CSMD1: variants seen among roughly 807,000 people sequenced by gnomAD.
CSMD1 encodes CUB and Sushi multiple domains 1.
A neutral mutation model predicts 417.5 loss-of-function variants in CSMD1; 213 were observed. The observed-to-expected ratio is 0.51, with a 90% confidence interval of 0.46 to 0.57. CSMD1 has a LOEUF of 0.57. Ranked by LOEUF, CSMD1 falls within the 20% of genes least tolerant of loss-of-function variation. The probability of loss-of-function intolerance (pLI) is 0.00; values close to 1 mark genes in which losing one functional copy is unlikely to be tolerated. For missense variants in CSMD1, 6,923 were observed against 4,529.7 expected, an observed-to-expected ratio of 1.53 and a Z score of -15.17; for synonymous variants, 2,862 against 1,736.8, an observed-to-expected ratio of 1.65 and a Z score of -16.11.
chr8:3,592,883 G>A (rs532481913), intron 8 of CSMD1, among the ~76,000 whole-genome samples: 1 of 152,004 alleles, frequency 6.6e-6, no homozygotes, highest in Non-Finnish European at 1.5e-5. Context: ...CCCACTTCCT[G>A]CTTCTCCACT....
chr8:4,287,768 G>A (rs1356245904), intron 3 of CSMD1, among the ~76,000 whole-genome samples: 1 of 151,650 alleles, frequency 6.6e-6, no homozygotes, highest in East Asian at 1.9e-4. Flanking sequence ...GGACCCGGTC[G>A]GTTGAGCGAG....
intron 43 of CSMD1, among the ~76,000 whole-genome samples, 178 bp from the exon 44 acceptor site, chr8:3,108,926 G>T (rs1220435450): frequency 6.6e-6 from 1 of 152,214 alleles, no homozygotes; most frequent in African/African-American, 2.4e-5. Context: ...GAACCCTCCA[G>T]TCTCTGTCTT....
intron 3 of CSMD1, among the ~76,000 whole-genome samples, chr8:4,418,336 T>C (rs1179772673): frequency 1.3e-5 from 2 of 152,140 alleles, no homozygotes; most frequent in African/African-American, 2.4e-5. Context: ...TTTTCCAACA[T>C]AGACAATCTT....
At chr8:3,754,291 TAA>T (rs2129053929) in intron 5 of CSMD1, among the ~76,000 whole-genome samples, 1 of 152,306 alleles carries the variant, frequency 6.6e-6, no homozygotes. Context: ...TCTCCTTTAT[TAA>T]TGGTGAATGC....
intron 7 of CSMD1, among the ~76,000 whole-genome samples, chr8:3,663,244 C>T (rs1258678401): frequency 6.6e-6 from 1 of 152,116 alleles, no homozygotes; most frequent in African/African-American, 2.4e-5. Flanking sequence ...AGAGGCCGTT[C>T]TCCATGAAAG....
intron 1 of CSMD1, among the ~76,000 whole-genome samples, chr8:4,943,869 G>T (rs1347893834): frequency 1.3e-5 from 2 of 152,216 alleles, no homozygotes; most frequent in Non-Finnish European, 1.5e-5. Flanking sequence ...ATAAATAAGT[G>T]TAAGAGCCCA....
At chr8:3,485,516 T>C (rs1023588309) in intron 11 of CSMD1, among the ~76,000 whole-genome samples, 1 of 117,864 alleles carries the variant, frequency 8.5e-6, no homozygotes. Context: ...TGTATAGAAC[T>C]TCATAACAAT....
chr8:3,179,167 G>C (rs552776683), intron 37 of CSMD1, among the ~76,000 whole-genome samples: 86 of 151,408 alleles, frequency 5.7e-4, no homozygotes, highest in Middle Eastern at 3.4e-3. Flanking sequence ...GGACTGTCTC[G>C]ATCTCCTGAC....
intron 3 of CSMD1, among the ~76,000 whole-genome samples, chr8:4,349,442 T>G (rs901067947): frequency 1.3e-5 from 2 of 152,192 alleles, no homozygotes; most frequent in Non-Finnish European, 2.9e-5. Context: ...AAGTCAGATT[T>G]ACAACTAGTG....
At chr8:3,308,684 G>C (rs180911221) in intron 23 of CSMD1, among the ~76,000 whole-genome samples, 181 bp from the exon 24 acceptor site, 121 of 148,010 alleles carry the variant, frequency 8.2e-4, no homozygotes, top group Non-Finnish European at 1.0e-3. Context: ...TTACCCATTT[G>C]TGATTTCTTG....
rs529398164 is a variant in CSMD1 at position 4,246,020 on chromosome 8, G to C, written c.415+173933C>G. 6.8e-4 allele frequency among the ~76,000 whole-genome samples: 104 copies of C among 152,262 alleles called. 1 individual carries two copies. Among genetic ancestry groups the C allele is most frequent in the Admixed American group, 2.6e-3 (40 of 15,288 alleles). On this transcript the variant is annotated intron_variant, in intron 3 of 69. Transcript: ENST00000635120. ...ATGCAACCTAGGTCAGTTATTTGTT[G>C]TTGTTGTTTGATTTTTAACTTTTAA... is the stretch of plus-strand genomic sequence containing the variant.
At position 4,409,893 on chromosome 8, in the gene CSMD1, A is replaced by T. The variant is rs144786320; in HGVS notation, c.415+10060T>A. 2.1e-3 allele frequency among the ~76,000 whole-genome samples: 324 copies of T among 152,126 alleles called. 2 individuals carry two copies. Among genetic ancestry groups the T allele is most frequent in the African/African-American group, 7.6e-3 (315 of 41,512 alleles). ...TAATGGTGCAATCTTGGCTCACTGC[A>T]ACCTCCGCCTCCTGGGTTCAAATGA... On this transcript the variant is annotated intron_variant, in intron 3 of 69. Transcript: ENST00000635120.
rs923115690 is a variant in CSMD1, at chr8:4,596,682, T to C, written c.302+40660A>G. The stretch of plus-strand genomic sequence containing the variant: ...GTACGTTTGCTGTTTGAACACTCGG[T>C]CTAACTTCAGTTCATTCAAAAACAG... On this transcript the variant is annotated intron_variant, in intron 2 of 69. Coordinates refer to ENST00000635120, the MANE Select transcript of CSMD1 (RefSeq NM_033225.6). Among the ~76,000 whole-genome samples, 7 of 152,316 alleles carry C rather than the reference T, an allele frequency of 4.6e-5. No homozygotes were observed. The East Asian group carries it at 1.3e-3, about 29-fold the overall frequency.
intron 3 of CSMD1, among the ~76,000 whole-genome samples, chr8:4,058,468 C>G (rs552130098): frequency 6.6e-6 from 1 of 152,114 alleles, no homozygotes; most frequent in African/African-American, 2.4e-5. Context: ...TACACAATCA[C>G]GTCATCTGCA....
intron 3 of CSMD1, among the ~76,000 whole-genome samples, chr8:4,328,645 C>G (rs1425255656): frequency 1.4e-5 from 2 of 145,528 alleles, no homozygotes; most frequent in African/African-American, 5.2e-5. Context: ...CCAAGAATAA[C>G]ATCACTTTTT....
intron 1 of CSMD1, among the ~76,000 whole-genome samples, chr8:4,766,179 TC>T (rs1397834696): frequency 6.6e-6 from 1 of 152,198 alleles, no homozygotes; most frequent in Non-Finnish European, 1.5e-5. Flanking sequence ...TGATGCATTT[TC>T]CATGAACATA....
At chr8:3,782,982 A>G (rs1229033709) in intron 5 of CSMD1, among the ~76,000 whole-genome samples, 1 of 152,208 alleles carries the variant, frequency 6.6e-6, no homozygotes, top group Non-Finnish European at 1.5e-5. Flanking sequence ...ATTGTTAGCT[A>G]TAAGCAAAAT....
chr8:3,282,511 C>T (rs995120295), intron 26 of CSMD1, among the ~76,000 whole-genome samples: 1 of 151,312 alleles, frequency 6.6e-6, no homozygotes, highest in Non-Finnish European at 1.5e-5. Flanking sequence ...CTGCTCTTGC[C>T]ACCATTTCAA....
intron 1 of CSMD1, among the ~76,000 whole-genome samples, chr8:4,742,652 G>T (rs915252935): frequency 6.6e-6 from 1 of 152,058 alleles, no homozygotes; most frequent in African/African-American, 2.4e-5. Flanking sequence ...CCAAAAGCAG[G>T]TAGTGTTAAC....
Sources: allele counts gnomAD v4.1 joint callset (sites outside exome capture counted in the v4.1 genomes callset), GRCh38; gene constraint gnomAD v4.1.1; transcripts MANE v1.5; gene names NCBI Gene and HGNC (gene_info 2026-07-23, HGNC 2026-07-21).